The following DDX10 variants were observed in gnomAD, a reference collection of about 807,000 sequenced individuals.
DDX10 encodes the protein DEAD-box helicase 10.
A neutral mutation model predicts 104.3 loss-of-function variants in DDX10; 74 were observed. That is an observed-to-expected ratio of 0.71 (90% CI 0.59 to 0.86). The LOEUF is 0.86. Ranked by LOEUF, DDX10 falls within the 40% of genes least tolerant of loss-of-function variation. The pLI is 0.00. For synonymous variants in DDX10, 351 were observed against 353.4 expected (o/e 0.99, Z 0.08); for missense variants, 952 against 1,040.0 (o/e 0.92, Z 1.16).
intron 6 of DDX10, among the ~76,000 whole-genome samples, chr11:108,687,277 C>T (rs2094245684): frequency 6.6e-6 from 1 of 152,168 alleles, no homozygotes; most frequent in East Asian, 1.9e-4. Context: ...TAACTTTTGC[C>T]TGTTGACATA....
At chr11:108,775,191 A>G (rs1181781262) in intron 13 of DDX10, among the ~76,000 whole-genome samples, 2 of 152,246 alleles carry the variant, frequency 1.3e-5, no homozygotes, top group African/African-American at 4.8e-5. Flanking sequence ...AAATGAAGGA[A>G]ACATTGTGAA....
intron 13 of DDX10, among the ~76,000 whole-genome samples, chr11:108,770,872 ATTGCTGGATCATATGGTAGCTCTGTT>A (rs2094362270): frequency 6.6e-6 from 1 of 151,882 alleles, no homozygotes; most frequent in Non-Finnish European, 1.5e-5. Context: ...CAACAGTGGG[ATTGCTGGATCATATGGTAGCTCTGTT>A]TTTAGTTTTT....
intron 16 of DDX10, among the ~76,000 whole-genome samples, chr11:108,915,062 C>T (rs1478912127): frequency 1.3e-5 from 2 of 151,866 alleles, no homozygotes; most frequent in Non-Finnish European, 2.9e-5. Flanking sequence ...TGCTTGGAGT[C>T]CTGAAAGGAG....
intron 16 of DDX10, among the ~76,000 whole-genome samples, chr11:108,904,204 G>A (rs1394427760): frequency 6.6e-6 from 1 of 152,070 alleles, no homozygotes; most frequent in African/African-American, 2.4e-5. Context: ...AGAGCAGGGT[G>A]GTTTCAACAG....
chr11:108,886,564 G>A (rs1863298479), intron 16 of DDX10, among the ~76,000 whole-genome samples: 1 of 152,130 alleles, frequency 6.6e-6, no homozygotes, highest in African/African-American at 2.4e-5. Context: ...TTTTGCCGTT[G>A]AAAATCCATC....
Position 108,675,684 on chromosome 11 carries a change from G to A in DDX10, c.336G>A (p.Ala112=), listed in dbSNP as rs748259698. The change falls in exon 3 of 18, where the codon GCG becomes GCA. Residue 112 remains alanine (A), a synonymous_variant. Coordinates refer to ENST00000322536, the MANE Select transcript of DDX10 (RefSeq NM_004398.4). ...TGCAAGGTAAAGATGTACTTGGAGC[G>A]GCCAAAACTGGATCTGGCAAGACTC... is the stretch of plus-strand genomic sequence containing the variant. ...LALQGKDVLG[A]AKTGSGKTLA... 23 of 1,614,150 alleles carry A rather than the reference G, an allele frequency of 1.4e-5. No homozygotes were observed. The highest frequency in any genetic ancestry group is 1.9e-5 in the Non-Finnish European group (23 of 1,180,024).
chr11:108,877,957 T>A (rs957769922), intron 16 of DDX10, among the ~76,000 whole-genome samples: 2 of 152,236 alleles, frequency 1.3e-5, no homozygotes, highest in African/African-American at 4.8e-5. Context: ...GTCTTTTTCC[T>A]TTTCTTTATC....
intron 5 of DDX10, among the ~76,000 whole-genome samples, chr11:108,679,142 C>G (rs1391726863): frequency 1.3e-5 from 2 of 152,092 alleles, no homozygotes; most frequent in Non-Finnish European, 2.9e-5. Context: ...CAGGCCTGAG[C>G]CACTGTGCCC....
intron 10 of DDX10, among the ~76,000 whole-genome samples, chr11:108,710,850 A>G (rs575258812): frequency 6.6e-6 from 1 of 152,328 alleles, no homozygotes; most frequent in Non-Finnish European, 1.5e-5. Context: ...GAAATTTTTC[A>G]GCTTCACTAG....
intron 16 of DDX10, among the ~76,000 whole-genome samples, chr11:108,882,643 TAGAG>T (rs1368428609): frequency 5.3e-5 from 8 of 152,194 alleles, no homozygotes; most frequent in East Asian, 1.9e-4. Context: ...TATATGTAAA[TAGAG>T]AGTCAAATTT....
intron 17 of DDX10, among the ~76,000 whole-genome samples, chr11:108,927,151 C>T (rs1297477268): frequency 2.0e-5 from 3 of 152,104 alleles, no homozygotes; most frequent in Admixed American, 2.0e-4. Context: ...CTTAGCATTC[C>T]AAAGGAAAGA....
At chr11:108,805,461 C>T (rs1223048978) in intron 13 of DDX10, among the ~76,000 whole-genome samples, 1 of 152,206 alleles carries the variant, frequency 6.6e-6, no homozygotes, top group East Asian at 1.9e-4. Flanking sequence ...TAAGCATATA[C>T]AGAAGATAAT....
chr11:108,684,471 A>G (rs9735328), intron 6 of DDX10, among the ~76,000 whole-genome samples: 68,483 of 145,604 alleles, frequency 0.47, 19,070 homozygotes, highest in Non-Finnish European at 0.61. Flanking sequence ...TGTTCTTGCG[A>G]TAGTTTACTG....
At chr11:108,725,365 G>A (rs1432801765) in intron 13 of DDX10, among the ~76,000 whole-genome samples, 1 of 151,944 alleles carries the variant, frequency 6.6e-6, no homozygotes, top group Non-Finnish European at 1.5e-5. Context: ...ATATGTTAAG[G>A]GTATATTTAA....
chr11:108,743,222 AAC>A (rs1195481111), intron 13 of DDX10, among the ~76,000 whole-genome samples: 2 of 152,222 alleles, frequency 1.3e-5, no homozygotes, highest in East Asian at 3.8e-4. Flanking sequence ...AGGTTGGTTC[AAC>A]ATATGCAAAT....
intron 2 of DDX10, 52 bp downstream of exon 2, chr11:108,673,579 A>T: frequency 1.5e-6 from 2 of 1,332,084 alleles, no homozygotes; most frequent in African/African-American, 1.5e-5. Flanking sequence ...GGCATTTTTG[A>T]TAAATGGGAG....
At chr11:108,790,812 A>G (rs1317026936) in intron 13 of DDX10, among the ~76,000 whole-genome samples, 1 of 151,398 alleles carries the variant, frequency 6.6e-6, no homozygotes, top group Non-Finnish European at 1.5e-5. Flanking sequence ...TCCCACCCAC[A>G]CACACTTTCA....
At chr11:108,733,559 T>C (rs900632511) in intron 13 of DDX10, among the ~76,000 whole-genome samples, 4 of 152,180 alleles carry the variant, frequency 2.6e-5, no homozygotes, top group African/African-American at 9.7e-5. Flanking sequence ...TTCACTTACT[T>C]CCTTGCCTAA....
intron 13 of DDX10, among the ~76,000 whole-genome samples, chr11:108,827,014 A>G (rs924244086): frequency 6.6e-6 from 1 of 152,252 alleles, no homozygotes; most frequent in African/African-American, 2.4e-5. Flanking sequence ...GAAACTATGC[A>G]TTGTAGAATA....
Sources: allele counts gnomAD v4.1 joint callset (sites outside exome capture counted in the v4.1 genomes callset), GRCh38; gene constraint gnomAD v4.1.1; transcripts MANE v1.5; gene names NCBI Gene and HGNC (gene_info 2026-07-23, HGNC 2026-07-21).